Variants in NBDY observed in about 807,000 individuals in gnomAD.
NBDY encodes the protein P-body dissociating protein.
intron 2 of NBDY, among the ~76,000 whole-genome samples, chrX:56,748,908 C>T (rs1342160594): frequency 1.9e-5 from 2 of 103,178 alleles, no homozygotes; most frequent in African/African-American, 7.1e-5. Context: ...TAAATGATAA[C>T]TGTAAGAAGA....
At chrX:56,765,687 T>TCTCCTTCTC (rs1328631281) in intron 2 of NBDY, among the ~76,000 whole-genome samples, 1 of 110,239 alleles carries the variant, frequency 9.1e-6, no homozygotes, top group Non-Finnish European at 1.9e-5. Flanking sequence ...CTTTAATTCT[T>TCTCCTTCTC]CTCCTTCTCC....
intron 2 of NBDY, among the ~76,000 whole-genome samples, chrX:56,781,234 G>T (rs60426987): frequency 8.9e-6 from 1 of 111,881 alleles, no homozygotes; most frequent in Non-Finnish European, 1.9e-5. Flanking sequence ...CTTCTGCCTA[G>T]ACACCTTCAT....
chrX:56,735,403 T>C (rs1239409588), intron 2 of NBDY, among the ~76,000 whole-genome samples: 1 of 112,605 alleles, frequency 8.9e-6, no homozygotes, highest in Non-Finnish European at 1.9e-5. Context: ...GAGGTTGCCC[T>C]ATGTAATATC....
At chrX:56,757,191 C>T (rs1430573861) in intron 2 of NBDY, among the ~76,000 whole-genome samples, 1 of 111,847 alleles carries the variant, frequency 8.9e-6, no homozygotes, top group African/African-American at 3.3e-5. Context: ...CCACAAGAGA[C>T]ATGTTCTATT....
At chrX:56,765,552 G>A (rs185305838) in intron 2 of NBDY, among the ~76,000 whole-genome samples, 192 of 111,750 alleles carry the variant, frequency 1.7e-3, no homozygotes, top group Non-Finnish European at 2.4e-3. Context: ...CGTGCCCCTC[G>A]TTGTATGTCA....
intron 2 of NBDY, among the ~76,000 whole-genome samples, chrX:56,805,222 T>C (rs1416151408): frequency 8.9e-6 from 1 of 112,718 alleles, no homozygotes; most frequent in Non-Finnish European, 1.9e-5. Flanking sequence ...GCACCTCCAG[T>C]GCCTGCATAA....
chrX:56,788,361 G>C lies in NBDY; in HGVS notation c.*167-28959G>C, dbSNP rs188226181. On this transcript the variant is annotated intron_variant, in intron 2 of 2. Transcript: ENST00000374922. ...TCAAGTGGAAACTGTTTCTGGAAAT[G>C]GGAGGGAGCTGGGCACAAGTGCTGG... Among the ~76,000 whole-genome samples the C allele has an allele frequency of 3.5e-3, 401 of 113,375 alleles. 1 individual carries two copies. The highest frequency in any genetic ancestry group is 6.5e-3 in the Non-Finnish European group (348 of 53,394).
rs187008621 is a variant in NBDY, at chrX:56,767,449, C to T, written c.*166+35250C>T. On this transcript the variant is annotated intron_variant, in intron 2 of 2. Coordinates refer to ENST00000374922, the MANE Select transcript of NBDY (RefSeq NM_001348129.2). ...TGTGGGAGCCCCTGTCTCCACTGGC[C>T]AAGGTCGGAGCCGGCTCCCTCAGCT... Among the ~76,000 whole-genome samples the T allele has an allele frequency of 3.1e-3, 351 of 113,415 alleles. 1 individual carries two copies. The highest frequency in any genetic ancestry group is 9.2e-3 in the Middle Eastern group (2 of 217).
At chrX:56,811,889 A>G (rs1359628238) in intron 2 of NBDY, among the ~76,000 whole-genome samples, 1 of 112,124 alleles carries the variant, frequency 8.9e-6, no homozygotes, top group Non-Finnish European at 1.9e-5. Flanking sequence ...CCCTGGTGGC[A>G]TGGGCACTGG....
At chrX:56,759,799 G>A (rs2069629057) in intron 2 of NBDY, among the ~76,000 whole-genome samples, 2 of 111,795 alleles carry the variant, frequency 1.8e-5, no homozygotes, top group Non-Finnish European at 3.8e-5. Context: ...GAAAGAAAGG[G>A]CAGGCAGGGG....
At chrX:56,791,170 T>C (rs891779194) in intron 2 of NBDY, among the ~76,000 whole-genome samples, 5 of 112,562 alleles carry the variant, frequency 4.4e-5, no homozygotes, top group African/African-American at 1.6e-4. Context: ...TCTTCTTCAC[T>C]GTCTTTACGT....
intron 2 of NBDY, among the ~76,000 whole-genome samples, chrX:56,766,104 C>T (rs1230955198): frequency 8.9e-6 from 1 of 112,436 alleles, no homozygotes; most frequent in Non-Finnish European, 1.9e-5. Context: ...TACCCAATAC[C>T]TCATGGCTCA....
At chrX:56,729,764 A>T (rs762947305) in intron 1 of NBDY, among the ~76,000 whole-genome samples, 175 bp downstream of exon 1, 1 of 112,475 alleles carries the variant, frequency 8.9e-6, no homozygotes, top group Non-Finnish European at 1.9e-5. Flanking sequence ...TGGATATTTA[A>T]CGACATTAAA....
At chrX:56,781,343 T>C (rs978288684) in intron 2 of NBDY, among the ~76,000 whole-genome samples, 4 of 111,935 alleles carry the variant, frequency 3.6e-5, no homozygotes, top group Non-Finnish European at 7.5e-5. Flanking sequence ...CTCTCTGCCT[T>C]CCCAATATTT....
intron 2 of NBDY, among the ~76,000 whole-genome samples, chrX:56,751,627 AAC>A (rs2069586298): frequency 8.9e-6 from 1 of 112,084 alleles, no homozygotes; most frequent in Non-Finnish European, 1.9e-5. Flanking sequence ...CAAAATATAA[AAC>A]ACTTCCAATA....
intron 2 of NBDY, among the ~76,000 whole-genome samples, chrX:56,752,667 T>C: frequency 9.0e-6 from 1 of 111,399 alleles, no homozygotes; most frequent in Middle Eastern, 4.6e-3. Context: ...TGGAGTGCAG[T>C]GGCAAGATCT....
chrX:56,739,244 A>ATATATATATATATATATG (rs1394123587), intron 2 of NBDY, among the ~76,000 whole-genome samples: 1 of 78,635 alleles, frequency 1.3e-5, no homozygotes, highest in Admixed American at 1.5e-4. Flanking sequence ...GTGTGTATAT[A>ATATATATATATATATATG]TATATATATA....
intron 2 of NBDY, among the ~76,000 whole-genome samples, chrX:56,791,677 T>C (rs1274824119): frequency 1.8e-5 from 2 of 112,094 alleles, no homozygotes; most frequent in Non-Finnish European, 3.8e-5. Context: ...TCACCATGCA[T>C]TGACGTCTTC....
intron 2 of NBDY, among the ~76,000 whole-genome samples, chrX:56,760,599 G>A (rs201930374): frequency 8.9e-6 from 1 of 111,975 alleles, no homozygotes; most frequent in Non-Finnish European, 1.9e-5. Context: ...CAGGAGAATC[G>A]CTTGAACCCG....
Sources: gnomAD v4.1 joint callset for allele counts (sites outside exome capture counted in the v4.1 genomes callset) on GRCh38, gnomAD v4.1.1 for gene constraint, MANE v1.5 for transcripts, NCBI Gene and HGNC (gene_info 2026-07-23, HGNC 2026-07-21) for gene names.